DPP10: variants seen among roughly 807,000 people sequenced by gnomAD.
DPP10 encodes dipeptidyl peptidase like 10.
Under a neutral mutation model 120.9 loss-of-function variants are expected in DPP10, and 33 were observed. The ratio of observed to expected loss-of-function variants is 0.27; its 90% confidence interval spans 0.21 to 0.37. The LOEUF is 0.37. Among genes scored for constraint, DPP10 ranks in the 10% least tolerant of loss-of-function variants. DPP10 has a pLI of 1.00. For synonymous variants in DPP10, 337 were observed against 326.1 expected (o/e 1.03, Z -0.36); for missense variants, 816 against 942.8 (o/e 0.87, Z 1.76).
chr2:115,570,822 A>T (rs1350144287), intron 5 of DPP10, among the ~76,000 whole-genome samples: 1 of 152,276 alleles, frequency 6.6e-6, no homozygotes, highest in African/African-American at 2.4e-5. Flanking sequence ...TAATGTAACT[A>T]TAAATATAAT....
In DPP10 at chr2:115,386,251, AAG is replaced by A. The variant is rs143857086; in HGVS notation, c.271+42342_271+42343del. On this transcript the variant is annotated intron_variant, in intron 3 of 25. Coordinates refer to ENST00000410059, the MANE Select transcript of DPP10 (RefSeq NM_020868.6). ...AAACTAAAATATTCTGTGTTATAAAAAGAGTATAGGGGAGGGAAAATTTTCTT... is the reference window on the plus strand; with the variant it reads ...AAACTAAAATATTCTGTGTTATAAAAAGTATAGGGGAGGGAAAATTTTCTT... Among the ~76,000 whole-genome samples the A allele has an allele frequency of 8.8e-3, 1,337 of 152,304 alleles. 11 individuals are homozygous for A. Among genetic ancestry groups the A allele is most frequent in the Non-Finnish European group, 0.014 (983 of 68,014 alleles).
At chr2:115,400,470 C>T (rs896766944) in intron 3 of DPP10, among the ~76,000 whole-genome samples, 2 of 120,876 alleles carry the variant, frequency 1.7e-5, no homozygotes, top group Admixed American at 8.4e-5. Flanking sequence ...ATGATATCTA[C>T]CCATAAGTAA....
At chr2:115,338,990 C>T (rs2063306951) in intron 2 of DPP10, among the ~76,000 whole-genome samples, 1 of 152,092 alleles carries the variant, frequency 6.6e-6, no homozygotes, top group Non-Finnish European at 1.5e-5. Context: ...CTCCACAAAA[C>T]ATTTTCTAAA....
intron 1 of DPP10, among the ~76,000 whole-genome samples, chr2:115,284,031 C>T (rs71418546): frequency 0.036 from 5,528 of 151,974 alleles, 217 homozygotes; most frequent in East Asian, 0.2. Context: ...GAGTGTATCC[C>T]GGTCCTTCAG....
At chr2:114,760,120 G>A (rs999188399) in intron 1 of DPP10, among the ~76,000 whole-genome samples, 6 of 152,094 alleles carry the variant, frequency 3.9e-5, no homozygotes, top group South Asian at 2.1e-4. Context: ...ACAGGCAGGC[G>A]ATGCCATTGC....
chr2:115,162,309 C>T, intron 1 of DPP10: 2 of 1,493,380 alleles, frequency 1.3e-6, no homozygotes, highest in Non-Finnish European at 8.9e-7. Context: ...CCCCGGCGGG[C>T]GGCCCACCGA....
chr2:114,932,334 A>G (rs1472288497), intron 1 of DPP10, among the ~76,000 whole-genome samples: 1 of 152,264 alleles, frequency 6.6e-6, no homozygotes, highest in African/African-American at 2.4e-5. Context: ...AAATGAGTGC[A>G]TTATTCACTA....
Position 115,033,804 on chromosome 2 carries a change from G to C in DPP10, c.61-275435G>C, listed in dbSNP as rs1704022390. 2.0e-5 allele frequency among the ~76,000 whole-genome samples: 3 copies of C among 150,852 alleles called. No homozygotes were observed. The South Asian group carries it at 6.3e-4, about 32-fold the overall frequency. The stretch of plus-strand genomic sequence containing the variant: ...CAGCCTCAAACTCCTGGGCTGAAGG[G>C]ATCCTCCCACCTCAACTTTCCAAAG... On this transcript the variant is annotated intron_variant, in intron 1 of 25. Transcript: ENST00000410059.
chr2:114,702,733 C>G (rs745705338), intron 1 of DPP10, among the ~76,000 whole-genome samples: 1 of 152,134 alleles, frequency 6.6e-6, no homozygotes, highest in Non-Finnish European at 1.5e-5. Flanking sequence ...TGGCATTTAT[C>G]AGGCACAGGT....
At chr2:115,145,771 T>C (rs1022383767) in intron 1 of DPP10, among the ~76,000 whole-genome samples, 3 of 152,158 alleles carry the variant, frequency 2.0e-5, no homozygotes, top group Non-Finnish European at 4.4e-5. Flanking sequence ...CCACCAGCAA[T>C]GAATGAGAGT....
At chr2:115,132,400 C>T (rs1023291562) in intron 1 of DPP10, among the ~76,000 whole-genome samples, 6 of 152,150 alleles carry the variant, frequency 3.9e-5, no homozygotes, top group African/African-American at 1.2e-4. Flanking sequence ...AGATTCTCTA[C>T]TGATGCAAAT....
intron 1 of DPP10, among the ~76,000 whole-genome samples, chr2:114,906,250 G>T (rs1406935829): frequency 6.6e-6 from 1 of 151,988 alleles, no homozygotes; most frequent in South Asian, 2.1e-4. Context: ...CCAGTGTGGT[G>T]GTGCGTGCCT....
chr2:115,290,017 A>T (rs2060588782), intron 1 of DPP10, among the ~76,000 whole-genome samples: 1 of 152,090 alleles, frequency 6.6e-6, no homozygotes, highest in Non-Finnish European at 1.5e-5. Context: ...TAACTAAAAA[A>T]CTTCTGCACA....
At chr2:115,193,514 C>A (rs1177080229) in intron 1 of DPP10, among the ~76,000 whole-genome samples, 1 of 152,194 alleles carries the variant, frequency 6.6e-6, no homozygotes, top group Non-Finnish European at 1.5e-5. Context: ...GGGCCATGGA[C>A]AATAGCTGTT....
chr2:114,591,496 A>G (rs999650922), intron 1 of DPP10, among the ~76,000 whole-genome samples: 2 of 150,868 alleles, frequency 1.3e-5, no homozygotes, highest in African/African-American at 2.4e-5. Flanking sequence ...AATAAGTGAG[A>G]GTTTTTCCAC....
intron 21 of DPP10, among the ~76,000 whole-genome samples, chr2:115,826,912 T>C (rs1199203889): frequency 6.6e-6 from 1 of 152,190 alleles, no homozygotes; most frequent in African/African-American, 2.4e-5. Context: ...CTTGCTTTTT[T>C]ATTCAATCTG....
chr2:115,126,175 A>T (rs1355089487), intron 1 of DPP10, among the ~76,000 whole-genome samples: 1 of 152,084 alleles, frequency 6.6e-6, no homozygotes, highest in African/African-American at 2.4e-5. Flanking sequence ...CTGGAATGCA[A>T]AGGTGTGATC....
intron 1 of DPP10, among the ~76,000 whole-genome samples, chr2:114,963,949 A>G (rs569705369): frequency 5.5e-4 from 84 of 152,274 alleles, no homozygotes; most frequent in African/African-American, 2.0e-3. Flanking sequence ...GATTTTATAA[A>G]AGCATTTTTG....
At chr2:115,515,807 G>T (rs1575069524) in intron 4 of DPP10, among the ~76,000 whole-genome samples, 1 of 151,858 alleles carries the variant, frequency 6.6e-6, no homozygotes, top group East Asian at 1.9e-4. Context: ...TAATAAAATT[G>T]GAGGAATCAT....
Sources: gnomAD v4.1 joint callset for allele counts (sites outside exome capture counted in the v4.1 genomes callset) on GRCh38, gnomAD v4.1.1 for gene constraint, MANE v1.5 for transcripts, NCBI Gene and HGNC (gene_info 2026-07-23, HGNC 2026-07-21) for gene names.